DLGAP2: variants seen among roughly 807,000 people sequenced by gnomAD.
DLGAP2 encodes disks large-associated protein 2.
DLGAP2 carries 26 observed loss-of-function variants against 100.3 expected under a neutral mutation model. The observed-to-expected ratio is 0.26, with a 90% CI of 0.19 to 0.36. DLGAP2 has a LOEUF of 0.36. Among genes scored for constraint, DLGAP2 ranks in the 10% least tolerant of loss-of-function variants. The pLI, the probability that DLGAP2 is intolerant of heterozygous loss-of-function variation, is 1.00. For missense variants in DLGAP2, 1,858 were observed against 1,453.2 expected (o/e 1.28, Z -4.53); for synonymous variants, 886 against 630.1 (o/e 1.41, Z -6.08).
intron 3 of DLGAP2, among the ~76,000 whole-genome samples, chr8:1,456,579 C>G (rs781052974): frequency 1.3e-5 from 2 of 152,202 alleles, no homozygotes; most frequent in Non-Finnish European, 2.9e-5. Flanking sequence ...TCAGAAGCAT[C>G]ACCTTTTTGC....
At chr8:886,256 T>G (rs140021753) in intron 1 of DLGAP2, among the ~76,000 whole-genome samples, 67 of 152,270 alleles carry the variant, frequency 4.4e-4, no homozygotes, top group African/African-American at 1.5e-3. Context: ...GTGTCTTTGA[T>G]TCTTCTCTCT....
intron 8 of DLGAP2, among the ~76,000 whole-genome samples, chr8:1,660,146 C>A (rs1798376786): frequency 1.3e-5 from 2 of 152,106 alleles, no homozygotes; most frequent in Admixed American, 6.6e-5. Flanking sequence ...GTTGAAAATT[C>A]TTTAAGAATG....
At chr8:1,559,316 G>T (rs937762403) in intron 5 of DLGAP2, among the ~76,000 whole-genome samples, 3 of 152,188 alleles carry the variant, frequency 2.0e-5, no homozygotes, top group African/African-American at 7.2e-5. Context: ...TTCAGAGCGT[G>T]CACTAGGCCA....
chr8:1,597,642 A>C (rs1470688538), intron 6 of DLGAP2, among the ~76,000 whole-genome samples: 1 of 152,122 alleles, frequency 6.6e-6, no homozygotes, highest in South Asian at 2.1e-4. Context: ...TGTGAATGAG[A>C]GTTCACTCAT....
At chr8:1,190,115 A>C (rs1035435511) in intron 2 of DLGAP2, among the ~76,000 whole-genome samples, 5 of 152,188 alleles carry the variant, frequency 3.3e-5, no homozygotes, top group African/African-American at 7.2e-5. Flanking sequence ...ACTGCTAATA[A>C]TAAACAACTG....
At chr8:1,580,372 A>C (rs553116828) in intron 6 of DLGAP2, among the ~76,000 whole-genome samples, 115 of 152,344 alleles carry the variant, frequency 7.5e-4, no homozygotes, top group African/African-American at 2.6e-3. Context: ...CAGGCTCGAC[A>C]TAACGAAGAA....
chr8:1,485,171 C>T (rs953766336), intron 3 of DLGAP2, among the ~76,000 whole-genome samples: 1 of 152,226 alleles, frequency 6.6e-6, no homozygotes, highest in Non-Finnish European at 1.5e-5. Flanking sequence ...TGTCATTTTC[C>T]ATAAAATTAT....
chr8:1,325,689 G>A (rs747197092), intron 3 of DLGAP2, among the ~76,000 whole-genome samples: 1 of 152,194 alleles, frequency 6.6e-6, no homozygotes, highest in Non-Finnish European at 1.5e-5. Flanking sequence ...TATTCCTCTC[G>A]CGTGTGCTGC....
chr8:1,566,184 C>T (rs141675508), intron 6 of DLGAP2, among the ~76,000 whole-genome samples: 185 of 152,294 alleles, frequency 1.2e-3, no homozygotes, highest in Non-Finnish European at 2.3e-3. Context: ...AGATTATCCT[C>T]AGGACAAGCA....
At chr8:1,148,823 G>T (rs1181103885) in intron 2 of DLGAP2, among the ~76,000 whole-genome samples, 6 of 151,888 alleles carry the variant, frequency 4.0e-5, no homozygotes, top group African/African-American at 7.3e-5. Flanking sequence ...AGCTTTTCTG[G>T]GTCTTTTTTT....
chr8:1,436,750 C>G (rs924149192), intron 3 of DLGAP2, among the ~76,000 whole-genome samples: 1 of 152,206 alleles, frequency 6.6e-6, no homozygotes, highest in East Asian at 1.9e-4. Flanking sequence ...CTTACCCATT[C>G]ACCCACCCAC....
chr8:1,329,322 T>C (rs1416999304), intron 3 of DLGAP2, among the ~76,000 whole-genome samples: 1 of 152,242 alleles, frequency 6.6e-6, no homozygotes, highest in African/African-American at 2.4e-5. Flanking sequence ...ATTCCTGAAA[T>C]TTCTGGCTGA....
At chr8:1,021,038 C>T (rs1801609899) in intron 2 of DLGAP2, among the ~76,000 whole-genome samples, 1 of 152,192 alleles carries the variant, frequency 6.6e-6, no homozygotes, top group African/African-American at 2.4e-5. Flanking sequence ...GATTACCATG[C>T]ACGTGTCACA....
chr8:1,543,351 T>A (rs1373624394), intron 4 of DLGAP2, among the ~76,000 whole-genome samples: 1 of 152,266 alleles, frequency 6.6e-6, no homozygotes, highest in Non-Finnish European at 1.5e-5. Context: ...TAAGCCACTT[T>A]GAGTTCATTT....
Position 1,678,247 on chromosome 8 carries a change from G to A in DLGAP2, c.2322G>A (p.Thr774=), listed in dbSNP as rs1361086607. 6.8e-6 allele frequency: 11 copies of A among 1,613,498 alleles called. No individual in the cohort carries two copies. The highest frequency in any genetic ancestry group is 1.6e-4 in the Middle Eastern group (1 of 6,082). ...HGRFKRSNSV[T]AAVQADLELE... Reference sequence around the variant, plus strand: ...GTTTTAAACGTTCTAACAGCGTCACGGCCGCCGTCCAAGCTGACCTGGAGC... The same window carrying A: ...GTTTTAAACGTTCTAACAGCGTCACAGCCGCCGTCCAAGCTGACCTGGAGC... The change falls in exon 12 of 15, where the codon ACG becomes ACA. Residue 774 remains threonine, a synonymous_variant. Coordinates refer to ENST00000637795, the MANE Select transcript of DLGAP2 (RefSeq NM_001346810.2).
At chr8:746,453 G>A (rs1485010351) in intron 1 of DLGAP2, among the ~76,000 whole-genome samples, 2 of 152,348 alleles carry the variant, frequency 1.3e-5, no homozygotes, top group Admixed American at 6.5e-5. Context: ...CACAGGCCAC[G>A]TCGGCAGGGG....
At chr8:1,585,601 T>G (rs1451050567) in intron 6 of DLGAP2, among the ~76,000 whole-genome samples, 1 of 152,154 alleles carries the variant, frequency 6.6e-6, no homozygotes, top group East Asian at 1.9e-4. Flanking sequence ...AACCCAACTG[T>G]GCCATTGCAG....
chr8:1,299,633 G>A (rs1276617202), intron 3 of DLGAP2, among the ~76,000 whole-genome samples: 2 of 152,144 alleles, frequency 1.3e-5, no homozygotes, highest in Non-Finnish European at 1.5e-5. Flanking sequence ...GTCTTCTGAT[G>A]TTGGCTGCAA....
intron 3 of DLGAP2, among the ~76,000 whole-genome samples, chr8:1,331,779 C>G (rs529518956): frequency 4.0e-4 from 61 of 152,318 alleles, no homozygotes; most frequent in Non-Finnish European, 1.9e-4. Flanking sequence ...TCTCATATCT[C>G]TGAGATACGT....
Sources: allele counts gnomAD v4.1 joint callset (sites outside exome capture counted in the v4.1 genomes callset), GRCh38; gene constraint gnomAD v4.1.1; transcripts MANE v1.5; gene names NCBI Gene and HGNC (gene_info 2026-07-23, HGNC 2026-07-21).